PLXDC2: variants seen among roughly 807,000 people sequenced by gnomAD.
PLXDC2 encodes the protein plexin domain containing 2.
In PLXDC2, 40 loss-of-function variants were observed where a neutral mutation model predicts 68.9. The ratio of observed to expected loss-of-function variants is 0.58; its 90% CI spans 0.45 to 0.76. The LOEUF is 0.76. Among genes scored for constraint, PLXDC2 ranks in the 30% least tolerant of loss-of-function variants. The probability of loss-of-function intolerance (pLI) is 0.00; values close to 1 mark genes in which losing one functional copy is unlikely to be tolerated. For missense variants in PLXDC2, 644 were observed against 661.9 expected, an observed-to-expected ratio of 0.97 and a Z score of 0.30; for synonymous variants, 243 against 234.2, an observed-to-expected ratio of 1.04 and a Z score of -0.34.
At chr10:20,265,654 A>G (rs1277024577) in intron 13 of PLXDC2, among the ~76,000 whole-genome samples, 1 of 152,178 alleles carries the variant, frequency 6.6e-6, no homozygotes, top group African/African-American at 2.4e-5. Context: ...CATAGTTATA[A>G]TCTCTGAGCC....
chr10:20,168,407 G>C (rs185431551), intron 7 of PLXDC2, among the ~76,000 whole-genome samples: 2 of 152,040 alleles, frequency 1.3e-5, no homozygotes, highest in African/African-American at 2.4e-5. Context: ...AAAAAACAGC[G>C]ATACTAACTT....
chr10:19,919,611 T>A (rs988208497), intron 1 of PLXDC2, among the ~76,000 whole-genome samples: 1 of 152,246 alleles, frequency 6.6e-6, no homozygotes, highest in Non-Finnish European at 1.5e-5. Context: ...TCACAGTTAT[T>A]TCTTATGGAC....
intron 4 of PLXDC2, among the ~76,000 whole-genome samples, chr10:20,074,631 T>C (rs934699008): frequency 1.3e-5 from 2 of 152,220 alleles, no homozygotes; most frequent in Non-Finnish European, 2.9e-5. Context: ...TTGTTCTGGC[T>C]TTCAAATGGT....
At chr10:20,190,297 G>T (rs1269108739) in intron 9 of PLXDC2, among the ~76,000 whole-genome samples, 1 of 151,774 alleles carries the variant, frequency 6.6e-6, no homozygotes, top group Non-Finnish European at 1.5e-5. Context: ...TAGCTTGCTT[G>T]CACTAATAAA....
intron 4 of PLXDC2, among the ~76,000 whole-genome samples, chr10:20,132,759 A>T (rs1041685790): frequency 7.8e-5 from 6 of 77,074 alleles, no homozygotes; most frequent in African/African-American, 1.3e-4. Flanking sequence ...AAGAACATAT[A>T]GTTTGATCTT....
chr10:20,178,318 G>C (rs1834556597), intron 9 of PLXDC2, among the ~76,000 whole-genome samples: 1 of 152,076 alleles, frequency 6.6e-6, no homozygotes, highest in South Asian at 2.1e-4. Flanking sequence ...TTCAGAGACT[G>C]AATAATCATT....
intron 1 of PLXDC2, among the ~76,000 whole-genome samples, chr10:19,894,834 G>A (rs573031645): frequency 2.7e-4 from 41 of 152,134 alleles, no homozygotes; most frequent in Non-Finnish European, 3.5e-4. Flanking sequence ...TGGTGGGAGT[G>A]TAAATTAGTT....
intron 7 of PLXDC2, among the ~76,000 whole-genome samples, chr10:20,173,603 G>C (rs750012488): frequency 6.6e-6 from 1 of 152,152 alleles, no homozygotes; most frequent in Non-Finnish European, 1.5e-5. Context: ...TTTTCTCTCT[G>C]TGTGTTAATC....
rs184364530 is a variant in PLXDC2, at chr10:20,278,754, C to T, written c.1474-949C>T. 6.6e-5 allele frequency among the ~76,000 whole-genome samples: 10 copies of T among 152,200 alleles called. No homozygotes were observed. In the South Asian group the frequency reaches 8.3e-4, roughly 13 times the overall value. Reference sequence around the variant, plus strand: ...CCAAATGCCAGTATATGTACACTGACATATAACCTGTTTTACATTAGAATT... The same window carrying T: ...CCAAATGCCAGTATATGTACACTGATATATAACCTGTTTTACATTAGAATT... On this transcript the variant is annotated intron_variant, in intron 13 of 13. Coordinates refer to ENST00000377252, the MANE Select transcript of PLXDC2 (RefSeq NM_032812.9).
chr10:19,963,705 G>A (rs1250060989), intron 1 of PLXDC2, among the ~76,000 whole-genome samples: 1 of 152,058 alleles, frequency 6.6e-6, no homozygotes, highest in Non-Finnish European at 1.5e-5. Context: ...GGCGAGAGGG[G>A]AGGGACAGCA....
intron 4 of PLXDC2, among the ~76,000 whole-genome samples, chr10:20,120,695 G>T (rs1178287611): frequency 6.6e-6 from 1 of 152,092 alleles, no homozygotes; most frequent in African/African-American, 2.4e-5. Flanking sequence ...AGTCCTGGGT[G>T]GGGGCAAATC....
At chr10:19,854,900 T>C (rs1406429607) in intron 1 of PLXDC2, among the ~76,000 whole-genome samples, 2 of 152,230 alleles carry the variant, frequency 1.3e-5, no homozygotes, top group Non-Finnish European at 2.9e-5. Flanking sequence ...AAATGTGTTA[T>C]ATTGGAAACA....
intron 13 of PLXDC2, among the ~76,000 whole-genome samples, chr10:20,263,619 T>C (rs1835836085): frequency 6.6e-6 from 1 of 151,534 alleles, no homozygotes; most frequent in Admixed American, 6.6e-5. Flanking sequence ...CTGACAAATT[T>C]ACAAGAGAAA....
chr10:19,953,023 C>A (rs958299615), intron 1 of PLXDC2, among the ~76,000 whole-genome samples: 2 of 152,150 alleles, frequency 1.3e-5, no homozygotes, highest in Admixed American at 1.3e-4. Flanking sequence ...TGCCACCACG[C>A]CCAGCTAATT....
At chr10:20,002,280 A>T (rs1473203187) in intron 2 of PLXDC2, among the ~76,000 whole-genome samples, 16 of 140,224 alleles carry the variant, frequency 1.1e-4, no homozygotes, top group African/African-American at 4.2e-4. Flanking sequence ...TTTTTTTGAG[A>T]TGGAGTATCA....
intron 4 of PLXDC2, among the ~76,000 whole-genome samples, chr10:20,099,312 C>T (rs1417205659): frequency 6.6e-6 from 1 of 152,038 alleles, no homozygotes; most frequent in African/African-American, 2.4e-5. Flanking sequence ...AAGAGATCTT[C>T]TTGTTCATTC....
chr10:20,139,432 T>C (rs560364994), intron 4 of PLXDC2, among the ~76,000 whole-genome samples: 1 of 152,342 alleles, frequency 6.6e-6, no homozygotes, highest in East Asian at 1.9e-4. Context: ...TAGAATCACA[T>C]AGTAAGCAAA....
chr10:20,008,142 T>G (rs1835056616), intron 2 of PLXDC2, among the ~76,000 whole-genome samples: 2 of 152,186 alleles, frequency 1.3e-5, no homozygotes, highest in African/African-American at 2.4e-5. Flanking sequence ...CTTTAAAAAT[T>G]TTACCAGTTG....
intron 9 of PLXDC2, 87 bp from the exon 10 acceptor site, chr10:20,211,582 A>T (rs1157945069): frequency 2.6e-6 from 3 of 1,143,328 alleles, no homozygotes; most frequent in African/African-American, 3.1e-5. Flanking sequence ...AGAATGAACT[A>T]CCTACTAATC....
Sources: allele counts gnomAD v4.1 joint callset (sites outside exome capture counted in the v4.1 genomes callset), GRCh38; gene constraint gnomAD v4.1.1; transcripts MANE v1.5; gene names NCBI Gene and HGNC (gene_info 2026-07-23, HGNC 2026-07-21).